The following FILIP1 variants were observed in gnomAD, a reference collection of about 807,000 sequenced individuals.
The protein encoded by FILIP1 is filamin-A-interacting protein 1.
A neutral mutation model predicts 102.1 loss-of-function variants in FILIP1; 61 were observed. That is an observed-to-expected ratio of 0.60 (90% confidence interval 0.49 to 0.74). The LOEUF is 0.74. Ranked by LOEUF, FILIP1 falls within the 30% of genes least tolerant of loss-of-function variation. FILIP1 has a pLI of 0.00. For synonymous variants in FILIP1, 491 were observed against 526.9 expected (o/e 0.93, Z 0.93); for missense variants, 1,314 against 1,441.2 (o/e 0.91, Z 1.43).
rs1263246659 is a variant in FILIP1, at chr6:75,313,183, A to G, written c.2649T>C (p.Thr883=). Residue 883 remains threonine, a synonymous_variant, in exon 5 of 6, where the codon ACT becomes ACC. Coordinates refer to ENST00000237172, the MANE Select transcript of FILIP1 (RefSeq NM_015687.5). This position sits in a 1 kb window ranked among gnomAD's most constrained non-coding sequence, Gnocchi z 4.2. ...MRKRENGPSI[T]QEKGPRTNSS... is the part of the protein sequence containing the mutation. The stretch of plus-strand genomic sequence containing the variant: ...AATTTGTTCGGGGCCCTTTCTCCTG[A>G]GTGATGGAGGGGCCGTTTTCCCTCT... The G allele has an allele frequency of 1.2e-6, 2 of 1,613,980 alleles. No individual in the cohort carries two copies. The highest frequency in any genetic ancestry group is 1.7e-5 in the Admixed American group (1 of 60,000).
chr6:75,378,015 C>T (rs1292743712), intron 2 of FILIP1, among the ~76,000 whole-genome samples: 2 of 152,226 alleles, frequency 1.3e-5, no homozygotes, highest in African/African-American at 4.8e-5. Flanking sequence ...TGAATCATTG[C>T]TCCCCAGGGA....
intron 4 of FILIP1, among the ~76,000 whole-genome samples, chr6:75,321,302 A>G (rs1443044657): frequency 6.6e-6 from 1 of 152,204 alleles, no homozygotes; most frequent in Non-Finnish European, 1.5e-5. Flanking sequence ...AATGTGGAGC[A>G]GTACACCCTT....
At chr6:75,481,453 C>T (rs1779648438) in intron 1 of FILIP1, among the ~76,000 whole-genome samples, 1 of 152,164 alleles carries the variant, frequency 6.6e-6, no homozygotes, top group Admixed American at 6.5e-5. Context: ...TCTAGGACTG[C>T]TCTTCCTCCA....
At chr6:75,365,329 A>C (rs1775292579) in intron 2 of FILIP1, among the ~76,000 whole-genome samples, 1 of 150,652 alleles carries the variant, frequency 6.6e-6, no homozygotes, top group South Asian at 2.1e-4. Context: ...GGGTAGTAAT[A>C]TTAAGGGCTG....
chr6:75,302,518 CAA>C (rs1772865958), intron 6 of FILIP1, among the ~76,000 whole-genome samples: 2 of 152,054 alleles, frequency 1.3e-5, no homozygotes. Context: ...CTAGAAGAGG[CAA>C]TGTTCATAAA....
At chr6:75,378,282 TG>T (rs1472097103) in intron 2 of FILIP1, among the ~76,000 whole-genome samples, 4 of 152,176 alleles carry the variant, frequency 2.6e-5, no homozygotes, top group African/African-American at 9.7e-5. Flanking sequence ...GCACTCTGCC[TG>T]GGGCCATTTT....
rs115434067 is a variant in FILIP1, at chr6:75,395,569, C to T, written c.276+19128G>A. ...CTGGCATTACAGGTGTGAGCCACCACACCAGGCCAAAAATTTCTAAATATA... is the reference window on the plus strand; with the variant it reads ...CTGGCATTACAGGTGTGAGCCACCATACCAGGCCAAAAATTTCTAAATATA... On this transcript the variant is annotated intron_variant, in intron 2 of 5. Coordinates refer to ENST00000237172, the MANE Select transcript of FILIP1 (RefSeq NM_015687.5). Among the ~76,000 whole-genome samples, 559 of 152,322 alleles carry T rather than the reference C, an allele frequency of 3.7e-3. 1 individual carries two copies. The highest frequency in any genetic ancestry group is 0.013 in the African/African-American group (536 of 41,584).
intron 4 of FILIP1, among the ~76,000 whole-genome samples, chr6:75,343,109 A>G (rs769953513): frequency 5.3e-5 from 8 of 152,170 alleles, no homozygotes; most frequent in Admixed American, 6.5e-5. Context: ...TGGTAGCCTT[A>G]TAAGAGTTGG....
intron 1 of FILIP1, among the ~76,000 whole-genome samples, chr6:75,448,853 T>C (rs1347678886): frequency 1.3e-5 from 2 of 152,100 alleles, no homozygotes; most frequent in Non-Finnish European, 2.9e-5. Context: ...GGTGTGGATG[T>C]GGTGGGATAC....
intron 1 of FILIP1, among the ~76,000 whole-genome samples, chr6:75,436,650 A>G (rs185602018): frequency 5.6e-4 from 85 of 152,264 alleles, no homozygotes; most frequent in African/African-American, 1.9e-3. Context: ...CTATCTTTTG[A>G]TGACGAGACA....
chr6:75,353,312 T>G (rs1451496390), intron 4 of FILIP1, among the ~76,000 whole-genome samples: 3 of 152,376 alleles, frequency 2.0e-5, no homozygotes, highest in East Asian at 3.9e-4. Context: ...ACATCCTTGT[T>G]GGGAATGTGA....
At chr6:75,413,721 C>T (rs761209742) in intron 2 of FILIP1, among the ~76,000 whole-genome samples, 1 of 150,326 alleles carries the variant, frequency 6.7e-6, no homozygotes, top group Non-Finnish European at 1.5e-5. Flanking sequence ...CTCATGCAAG[C>T]TAAGAAACTA....
chr6:75,372,443 A>T (rs961997751), intron 2 of FILIP1, among the ~76,000 whole-genome samples: 1 of 150,788 alleles, frequency 6.6e-6, no homozygotes, highest in Non-Finnish European at 1.5e-5. Context: ...AAGAAAAAAA[A>T]ATTTAATGGG....
intron 2 of FILIP1, among the ~76,000 whole-genome samples, chr6:75,371,742 T>C (rs1360645067): frequency 6.6e-6 from 1 of 152,284 alleles, no homozygotes; most frequent in South Asian, 2.1e-4. Context: ...TTTCAACAAA[T>C]GTTGGGAAAA....
chr6:75,463,610 T>C (rs1408703065), intron 1 of FILIP1, among the ~76,000 whole-genome samples: 1 of 152,174 alleles, frequency 6.6e-6, no homozygotes, highest in Non-Finnish European at 1.5e-5. Context: ...AAGGGTTCTT[T>C]GCACAGCATA....
At chr6:75,360,169 C>T (rs1283309500) in intron 3 of FILIP1, among the ~76,000 whole-genome samples, 1 of 152,210 alleles carries the variant, frequency 6.6e-6, no homozygotes, top group African/African-American at 2.4e-5. Context: ...CTCTATCTAC[C>T]TTCCTTCCCT....
Position 75,370,737 on chromosome 6 carries a change from G to A in FILIP1, c.277-7820C>T, listed in dbSNP as rs982188016. 2.6e-5 allele frequency among the ~76,000 whole-genome samples: 4 copies of A among 151,416 alleles called. No homozygotes were observed. In the East Asian group the frequency reaches 5.8e-4, roughly 22 times the overall value. On this transcript the variant is annotated intron_variant, in intron 2 of 5. Coordinates refer to ENST00000237172, the MANE Select transcript of FILIP1 (RefSeq NM_015687.5). ...GATTACAGGCGCCTGCCACAACCCC[G>A]GGCTAATTTTTGTATTTTTAGTAGA...
At chr6:75,338,464 A>AAGG (rs1582366575) in intron 4 of FILIP1, among the ~76,000 whole-genome samples, 2 of 152,240 alleles carry the variant, frequency 1.3e-5, no homozygotes, top group East Asian at 3.8e-4. Flanking sequence ...ACCTCCAAAC[A>AAGG]TTGAAAACAC....
intron 1 of FILIP1, among the ~76,000 whole-genome samples, chr6:75,483,226 G>A (rs557630689): frequency 2.0e-5 from 3 of 152,192 alleles, no homozygotes; most frequent in Admixed American, 1.3e-4. Context: ...AAAGTTCTTC[G>A]GAGTACATTA....
Sources: gnomAD v4.1 joint callset for allele counts (sites outside exome capture counted in the v4.1 genomes callset) on GRCh38, gnomAD v4.1.1 for gene constraint, Gnocchi (gnomAD v3.1) non-coding constraint, MANE v1.5 for transcripts, NCBI Gene and HGNC (gene_info 2026-07-23, HGNC 2026-07-21) for gene names.